The following TRPM3 variants were observed in gnomAD, a reference collection of about 807,000 sequenced individuals.
TRPM3 encodes transient receptor potential cation channel subfamily M member 3.
In TRPM3, 77 loss-of-function variants were observed where a neutral mutation model predicts 181.2. The ratio of observed to expected loss-of-function variants is 0.42; its 90% CI spans 0.35 to 0.51. The LOEUF is 0.51. TRPM3 is among the 20% of genes least tolerant of loss of function. TRPM3 has a pLI of 0.01. For missense variants in TRPM3, 1,759 were observed against 2,196.7 expected (o/e 0.80, Z 3.98); for synonymous variants, 745 against 796.4 (o/e 0.94, Z 1.09).
chr9:71,151,645 G>A (rs949356163), intron 1 of TRPM3, among the ~76,000 whole-genome samples: 16 of 152,054 alleles, frequency 1.1e-4, no homozygotes, highest in Admixed American at 6.5e-4. Flanking sequence ...TCGATGACAC[G>A]TGCACACAGA....
chr9:71,196,821 A>C (rs1378939448), intron 1 of TRPM3, among the ~76,000 whole-genome samples: 2 of 151,976 alleles, frequency 1.3e-5, no homozygotes, highest in Non-Finnish European at 2.9e-5. Context: ...CTGCTCCACA[A>C]AACTGTTTGC....
At chr9:71,118,967 A>G (rs1035242356) in intron 1 of TRPM3, among the ~76,000 whole-genome samples, 1 of 152,192 alleles carries the variant, frequency 6.6e-6, no homozygotes, top group African/African-American at 2.4e-5. Context: ...AAATGGCAAG[A>G]ATACATAGGA....
intron 1 of TRPM3, among the ~76,000 whole-genome samples, chr9:71,035,762 C>T (rs924183781): frequency 6.6e-6 from 1 of 151,938 alleles, no homozygotes; most frequent in African/African-American, 2.4e-5. Flanking sequence ...AAAAAATGTA[C>T]TCCTTTATCA....
At chr9:70,796,009 G>A (rs762477430) in intron 6 of TRPM3, among the ~76,000 whole-genome samples, 1 of 152,098 alleles carries the variant, frequency 6.6e-6, no homozygotes, top group Non-Finnish European at 1.5e-5. Context: ...TAATGTAATC[G>A]ATCTAAGTCT....
intron 1 of TRPM3, among the ~76,000 whole-genome samples, chr9:70,946,070 A>G (rs935738186): frequency 6.6e-6 from 1 of 152,134 alleles, no homozygotes; most frequent in Non-Finnish European, 1.5e-5. Context: ...ATGATCAAAT[A>G]TATCTTCTGA....
Position 70,620,130 on chromosome 9 carries a change from G to A in TRPM3, c.2075C>T (p.Ala692Val), listed in dbSNP as rs773779411. Residue 692 changes from alanine (A) to valine (V), a missense_variant, in exon 16 of 26, where the codon GCC (alanine) becomes GTC (valine). Physicochemically the swap from Ala to Val is moderately conservative, Grantham distance 64. Coordinates refer to ENST00000677713, the MANE Select transcript of TRPM3 (RefSeq NM_001366145.2). ...GTCGTCAACCATGTCGTTCTCAGAG[G>A]CCTCATGAGCCATGGCTTTGCAGAG... ...CKLCKAMAHE[A>V]SENDMVDDIS... 1 of 1,613,542 alleles carries A rather than the reference G, an allele frequency of 6.2e-7. No homozygotes were observed. Among genetic ancestry groups the A allele is most frequent in the Non-Finnish European group, 8.5e-7 (1 of 1,179,498 alleles).
chr9:70,849,515 G>A (rs187587945), intron 3 of TRPM3, among the ~76,000 whole-genome samples: 25 of 152,206 alleles, frequency 1.6e-4, no homozygotes, highest in Admixed American at 1.0e-3. Context: ...TGGGTTGTAA[G>A]GTAGGAAGAT....
In TRPM3 at chr9:70,531,009, C is replaced by T. The variant is rs1047635796; in HGVS notation, c.*4944G>A. On this transcript the variant is annotated 3_prime_UTR_variant, in exon 26 of 26. Transcript: ENST00000677713. ...GCCTCCCACCCCCAAGGTGAAGAAGCCACAAGACAAGGAGGGAGGTCTCTT... is the reference window on the plus strand; with the variant it reads ...GCCTCCCACCCCCAAGGTGAAGAAGTCACAAGACAAGGAGGGAGGTCTCTT... The T allele has an allele frequency of 5.3e-5, 8 of 152,210 alleles. No homozygotes were observed. Among genetic ancestry groups the T allele is most frequent in the Admixed American group, 5.2e-4 (8 of 15,278 alleles). The allele number at this position is 152,210 out of a possible 1,614,324, so 9.4% of individuals were successfully genotyped here. A position where few individuals can be genotyped will look rare whatever the true frequency, so the allele number is the denominator to read the frequency against.
intron 19 of TRPM3, among the ~76,000 whole-genome samples, chr9:70,607,695 G>C (rs922008979): frequency 1.3e-5 from 2 of 152,204 alleles, no homozygotes; most frequent in African/African-American, 4.8e-5. Flanking sequence ...ATGGGTCTAT[G>C]ATGGGGCTAG....
chr9:70,820,798 G>A (rs1320015289), intron 6 of TRPM3, among the ~76,000 whole-genome samples: 3 of 152,022 alleles, frequency 2.0e-5, no homozygotes, highest in Admixed American at 6.5e-5. Flanking sequence ...GAGAAATAAA[G>A]TCAAATACGG....
rs2040813283 is a variant in TRPM3, at chr9:70,531,077, C to G, written c.*4876G>C. 6.6e-6 allele frequency: 1 copy of G among 152,210 alleles called. No individual in the cohort carries two copies. The highest frequency in any genetic ancestry group is 1.5e-5 in the Non-Finnish European group (1 of 68,042). 9.4% of individuals were successfully genotyped at this position (152,210 alleles called of 1,614,324 possible). On this transcript the variant is annotated 3_prime_UTR_variant, in exon 26 of 26. Transcript: ENST00000677713. The stretch of plus-strand genomic sequence containing the variant: ...CACATTCACAGCGATCTGCGCACTT[C>G]TGCACTATCACAAATGGACTTTTCG...
At chr9:70,985,934 A>T (rs2097417105) in intron 1 of TRPM3, among the ~76,000 whole-genome samples, 1 of 152,230 alleles carries the variant, frequency 6.6e-6, no homozygotes, top group Non-Finnish European at 1.5e-5. Flanking sequence ...ACAAAAATTC[A>T]GTCTGCTTTT....
At chr9:70,921,918 TACACACACACACACACACAAACAAAC>T (rs1200973995) in intron 1 of TRPM3, among the ~76,000 whole-genome samples, 1 of 140,132 alleles carries the variant, frequency 7.1e-6, no homozygotes, top group Non-Finnish European at 1.5e-5. Context: ...GCAGCCACTA[TACACACACACACACACACAAACAAAC>T]ACACACACAC....
chr9:71,036,499 C>T (rs560508592), intron 1 of TRPM3, among the ~76,000 whole-genome samples: 3 of 152,268 alleles, frequency 2.0e-5, no homozygotes, highest in Admixed American at 6.5e-5. Flanking sequence ...CCACAGACCC[C>T]GGTTCATTTC....
intron 1 of TRPM3, among the ~76,000 whole-genome samples, chr9:71,346,866 G>C (rs1588603676): frequency 7.8e-6 from 1 of 127,666 alleles, no homozygotes; most frequent in African/African-American, 3.0e-5. Flanking sequence ...TCACGACAGA[G>C]AATCTGTTTC....
chr9:70,636,275 C>G (rs1237155809), intron 11 of TRPM3, among the ~76,000 whole-genome samples: 3 of 149,196 alleles, frequency 2.0e-5, no homozygotes, highest in Non-Finnish European at 4.4e-5. Context: ...TTGTTTCAAC[C>G]ATTAAAAATG....
At chr9:71,136,063 T>C (rs565487710) in intron 1 of TRPM3, among the ~76,000 whole-genome samples, 5 of 152,342 alleles carry the variant, frequency 3.3e-5, no homozygotes, top group African/African-American at 1.2e-4. Flanking sequence ...GTCTGCTATG[T>C]GTGTAGCACT....
rs562162157 is a variant in TRPM3 at position 70,575,333 on chromosome 9, G to A, written c.3223+15698C>T. The stretch of plus-strand genomic sequence containing the variant: ...GGCTTTGCAAATTTTAGCTTTATAG[G>A]GCTCACCCTTACATGTACCCTACTT... On this transcript the variant is annotated intron_variant, in intron 22 of 25. Transcript: ENST00000677713. Among the ~76,000 whole-genome samples the A allele has an allele frequency of 1.3e-4, 19 of 151,936 alleles. No individual in the cohort carries two copies. The South Asian group carries it at 3.8e-3, about 30-fold the overall frequency.
rs1039785461 is a variant in TRPM3, at chr9:71,201,683, G to T, written c.183+244970C>A. Reference sequence around the variant, plus strand: ...GATCGCATCGGCTCCTGAGGCTTCTGCATTCTTCATGTAGTTCTCGAGCCT... The same window carrying T: ...GATCGCATCGGCTCCTGAGGCTTCTTCATTCTTCATGTAGTTCTCGAGCCT... On this transcript the variant is annotated intron_variant, in intron 1 of 24. Coordinates refer to the TRPM3 transcript ENST00000357533. Among the ~76,000 whole-genome samples the T allele has an allele frequency of 2.0e-5, 3 of 152,214 alleles. No homozygotes were observed. The East Asian group carries it at 5.8e-4, about 29-fold the overall frequency.
Sources: gnomAD v4.1 joint callset for allele counts (sites outside exome capture counted in the v4.1 genomes callset) on GRCh38, gnomAD v4.1.1 for gene constraint, MANE v1.5 for transcripts, NCBI Gene and HGNC (gene_info 2026-07-23, HGNC 2026-07-21) for gene names.